Variants in AR observed in about 807,000 individuals in gnomAD.
AR encodes androgen receptor.
A neutral mutation model predicts 53.9 loss-of-function variants in AR; 8 were observed. The observed-to-expected ratio is 0.15, with a 90% CI of 0.09 to 0.27. The LOEUF is 0.27. Ranked by LOEUF, AR falls within the 10% of genes least tolerant of loss-of-function variation. AR has a pLI of 1.00. For synonymous variants in AR, 359 were observed against 316.4 expected, an observed-to-expected ratio of 1.13 and a Z score of -1.43; for missense variants, 639 against 742.5, an observed-to-expected ratio of 0.86 and a Z score of 1.62.
rs191073010 is a variant in AR at position 67,689,559 on chromosome X, C to T, written c.1885+3433C>T. On this transcript the variant is annotated intron_variant, in intron 3 of 7. Transcript: ENST00000374690. ...TGTTTCTTGCTTTTTTTTCTAGCAG[C>T]TGTTGTTGTTTCTGAAAGAATCTTG... 2.2e-4 allele frequency: 209 copies of T among 961,992 alleles called. 2 individuals carry two copies. In the East Asian group the frequency reaches 0.012, roughly 57 times the overall value. The allele number at this position is 961,992 out of a possible 1,213,427, so 79.3% of individuals were successfully genotyped here.
chrX:67,555,012 G>A (rs1036473167), intron 1 of AR, among the ~76,000 whole-genome samples: 7 of 110,440 alleles, frequency 6.3e-5, no homozygotes, highest in South Asian at 3.9e-4. Context: ...GGTGAAAGGG[G>A]ACACAATTCA....
rs761814592 is a variant in AR, at chrX:67,545,779, G to A, written c.633G>A (p.Ala211=). The part of the protein sequence containing the change: ...AVSEGSSSGR[A]REASGAPTSS... ...CCGAAGGCAGCAGCAGCGGGAGAGC[G>A]AGGGAGGCCTCGGGGGCTCCCACTT... Residue 211 remains alanine, a synonymous_variant, in exon 1 of 8, where the codon GCG becomes GCA. Transcript: ENST00000374690. 3 of 1,212,157 alleles carry A rather than the reference G, an allele frequency of 2.5e-6. No individual in the cohort carries two copies. The highest frequency in any genetic ancestry group is 3.4e-6 in the Non-Finnish European group (3 of 895,513).
intron 6 of AR, among the ~76,000 whole-genome samples, chrX:67,722,388 CAGAT>C (rs1304757812): frequency 8.9e-6 from 1 of 111,859 alleles, no homozygotes. Flanking sequence ...GTAAGCAACT[CAGAT>C]AGGATTTGTA....
chrX:67,694,777 A>T, intron 3 of AR: 2 of 1,142,730 alleles, frequency 1.8e-6, no homozygotes, highest in South Asian at 4.0e-5. Context: ...TCTAGTGGAT[A>T]GTCTGGAGAA....
chrX:67,570,362 G>A (rs1380968017), intron 1 of AR, among the ~76,000 whole-genome samples: 1 of 112,301 alleles, frequency 8.9e-6, no homozygotes, highest in Non-Finnish European at 1.9e-5. Context: ...AATAACTCAC[G>A]TTTCGTTTTT....
At chrX:67,661,225 C>T (rs940395396) in intron 2 of AR, among the ~76,000 whole-genome samples, 2 of 110,931 alleles carry the variant, frequency 1.8e-5, no homozygotes, top group Non-Finnish European at 3.8e-5. Flanking sequence ...TGCCTGATTG[C>T]CCTGGCCAGA....
intron 2 of AR, among the ~76,000 whole-genome samples, chrX:67,682,743 C>A (rs2075943083): frequency 8.9e-6 from 1 of 111,821 alleles, no homozygotes; most frequent in African/African-American, 3.2e-5. Context: ...CTTGGCTCTA[C>A]CATCATTTGG....
chrX:67,709,940 T>C (rs1427928184), intron 3 of AR, among the ~76,000 whole-genome samples: 1 of 112,069 alleles, frequency 8.9e-6, no homozygotes, highest in Non-Finnish European at 1.9e-5. Flanking sequence ...TCCCATATGA[T>C]GCTTGAATTC....
At chrX:67,592,448 A>G (rs1229750416) in intron 1 of AR, among the ~76,000 whole-genome samples, 4 of 111,553 alleles carry the variant, frequency 3.6e-5, no homozygotes, top group Non-Finnish European at 5.6e-5. Flanking sequence ...TTGATTATGT[A>G]CATTTCAGAT....
chrX:67,568,629 C>T (rs2147343869), intron 1 of AR, among the ~76,000 whole-genome samples: 1 of 111,701 alleles, frequency 9.0e-6, no homozygotes, highest in African/African-American at 3.3e-5. Context: ...GCCTGGCAGT[C>T]AGAGGGATTC....
At chrX:67,618,392 T>C (rs1924214919) in intron 1 of AR, among the ~76,000 whole-genome samples, 1 of 111,523 alleles carries the variant, frequency 9.0e-6, no homozygotes, top group Non-Finnish European at 1.9e-5. Flanking sequence ...CATCTTGGCC[T>C]TCAAATTAAG....
chrX:67,706,667 G>C (rs2076069363), intron 3 of AR, among the ~76,000 whole-genome samples: 1 of 110,791 alleles, frequency 9.0e-6, no homozygotes, highest in African/African-American at 3.3e-5. Context: ...CTCTGATCTT[G>C]GTTATTTCTT....
intron 1 of AR, among the ~76,000 whole-genome samples, chrX:67,554,078 A>G (rs1339618744): frequency 8.9e-6 from 1 of 112,118 alleles, no homozygotes. Context: ...CCCTTTCGGG[A>G]TGAATAGGAG....
chrX:67,663,708 C>T (rs941879910), intron 2 of AR, among the ~76,000 whole-genome samples: 1 of 112,266 alleles, frequency 8.9e-6, no homozygotes, highest in Admixed American at 9.4e-5. Context: ...TGGATAATAT[C>T]CTACAGAGTG....
intron 1 of AR, among the ~76,000 whole-genome samples, chrX:67,566,614 T>C (rs958276554): frequency 2.7e-4 from 30 of 111,451 alleles, no homozygotes; most frequent in African/African-American, 8.8e-4. Flanking sequence ...GGGCCTTAAA[T>C]GGTCCTGGTG....
At chrX:67,642,996 C>T (rs938871861) in intron 1 of AR, among the ~76,000 whole-genome samples, 1 of 111,529 alleles carries the variant, frequency 9.0e-6, no homozygotes, top group Non-Finnish European at 1.9e-5. Flanking sequence ...TCATTGCTCC[C>T]GCATATAGAC....
chrX:67,722,059 T>G, intron 6 of AR, 96 bp downstream of exon 6: 1 of 1,014,328 alleles, frequency 9.9e-7, no homozygotes, highest in Non-Finnish European at 1.4e-6. Flanking sequence ...AAAAGCCAGC[T>G]CCTGGACATT....
rs1185270821 is a variant in AR, at chrX:67,579,703, A to G, written c.1616+32941A>G. On this transcript the variant is annotated intron_variant, in intron 1 of 7. Coordinates refer to ENST00000374690, the MANE Select transcript of AR (RefSeq NM_000044.6). The stretch of plus-strand genomic sequence containing the variant: ...GAAAATTTATGAGCTTCAGGTTTCT[A>G]TGCAGCTATTAAAGCATATTTAATC... Among the ~76,000 whole-genome samples the G allele has an allele frequency of 2.7e-5, 3 of 111,858 alleles. No homozygotes were observed. The East Asian group carries it at 8.5e-4, about 32-fold the overall frequency.
At chrX:67,552,093 A>G (rs1433137261) in intron 1 of AR, among the ~76,000 whole-genome samples, 1 of 112,160 alleles carries the variant, frequency 8.9e-6, no homozygotes, top group Non-Finnish European at 1.9e-5. Flanking sequence ...GCTTTTTAGA[A>G]TATTCAGAGT....
Sources: gnomAD v4.1 joint callset for allele counts (sites outside exome capture counted in the v4.1 genomes callset) on GRCh38, gnomAD v4.1.1 for gene constraint, MANE v1.5 for transcripts, NCBI Gene and HGNC (gene_info 2026-07-23, HGNC 2026-07-21) for gene names.